The following STARD8 variants were observed in gnomAD, a reference collection of about 807,000 sequenced individuals.
STARD8 encodes the protein StAR related lipid transfer domain containing 8.
STARD8 carries 25 observed loss-of-function variants against 69.4 expected under a neutral mutation model. The observed-to-expected ratio is 0.36, with a 90% CI of 0.26 to 0.50. The LOEUF is 0.50. Ranked by LOEUF, STARD8 falls within the 20% of genes least tolerant of loss-of-function variation. The pLI is 0.96. For synonymous variants in STARD8, 389 were observed against 374.6 expected (o/e 1.04, Z -0.45); for missense variants, 921 against 932.5 (o/e 0.99, Z 0.16).
intron 2 of STARD8, among the ~76,000 whole-genome samples, chrX:68,680,434 G>A (rs1197308714): frequency 1.8e-5 from 2 of 112,356 alleles, no homozygotes; most frequent in East Asian, 5.7e-4. Context: ...GAATCCGAGG[G>A]GGACACACCA....
rs1042660194 is a variant in STARD8, at chrX:68,724,602, AAG to A, written c.*184_*185del. Reference sequence around the variant, plus strand: ...CTCCTCTGCACATAGAGGGGAGAAAAAGAGAATTTAGGCAACTCCACTCCCCC... The same window carrying A: ...CTCCTCTGCACATAGAGGGGAGAAAAAGAATTTAGGCAACTCCACTCCCCC... On this transcript the variant is annotated 3_prime_UTR_variant, in exon 15 of 15. Coordinates refer to ENST00000374599, the MANE Select transcript of STARD8 (RefSeq NM_001142503.3). 3.4e-5 allele frequency: 14 copies of A among 412,137 alleles called. No individual in the cohort carries two copies. The highest frequency in any genetic ancestry group is 2.8e-4 in the African/African-American group (11 of 39,902). 34.0% of individuals were successfully genotyped at this position (412,137 alleles called of 1,213,427 possible).
In STARD8 at chrX:68,668,260, TTCTTTCTTTCTTTC is replaced by T. The variant is rs1163517179; in HGVS notation, c.79+2744_79+2757del. On this transcript the variant is annotated intron_variant, in intron 2 of 14. Coordinates refer to ENST00000374599, the MANE Select transcript of STARD8 (RefSeq NM_001142503.3). ...CCTCTTTCTTTCTTTCTTTCTTTCT[TTCTTTCTTTCTTTC>T]TCTTTCTTTCTTTCTTTCTTTCTTT... 1.7e-4 allele frequency among the ~76,000 whole-genome samples: 15 copies of T among 87,108 alleles called. No homozygotes were observed. The Admixed American group carries it at 1.9e-3, about 11-fold the overall frequency. The allele number at this position is 87,108 out of a possible 115,157, so 75.6% of individuals were successfully genotyped here.
chrX:68,722,827 A>G (rs2080163661), intron 12 of STARD8, among the ~76,000 whole-genome samples, 181 bp downstream of exon 12: 1 of 112,265 alleles, frequency 8.9e-6, no homozygotes, highest in African/African-American at 3.2e-5. Flanking sequence ...TCAAGAACCA[A>G]ATGAGACCAA....
rs145486902 is a variant in STARD8, at chrX:68,720,272, C to T, written c.1898C>T (p.Pro633Leu). Residue 633 changes from proline (P) to leucine (L), a missense_variant, in exon 8 of 15, where the codon CCC (proline) becomes CTC (leucine). Coordinates refer to ENST00000374599, the MANE Select transcript of STARD8 (RefSeq NM_001142503.3). ...GTCATTCTCCCAAACAGGTCAATGC[C>T]CAAGTTCATGAGGAGGAACAAGACC... Reference protein sequence around the residue: ...PHKQGWVWSMPKFMRRNKTPD... With the variant: ...PHKQGWVWSMLKFMRRNKTPD... 1.0e-4 allele frequency: 120 copies of T among 1,197,816 alleles called. 2 individuals are homozygous for T. In the East Asian group the frequency reaches 2.2e-3, roughly 22 times the overall value.
rs200773438 is a variant in STARD8 at position 68,717,936 on chromosome X, G to A, written c.1022G>A (p.Arg341His). ...GGTAGGCGGTGGGGCTGTGAGGGGC[G>A]CCGGGGCTCCTGTGGCTCAACGGGC... ...QPGRRWGCEG[R>H]RGSCGSTGSH... The change falls in exon 6 of 15, where the codon CGC (arginine) becomes CAC (histidine). Residue 341 changes from arginine (R) to histidine (H), a missense_variant. Physicochemically the swap from Arg to His is conservative, Grantham distance 29. Transcript: ENST00000374599. 11 of 1,207,611 alleles carry A rather than the reference G, an allele frequency of 9.1e-6. No individual in the cohort carries two copies. The highest frequency in any genetic ancestry group is 5.9e-5 in the East Asian group (2 of 33,634).
chrX:68,654,799 C>A (rs1314235412), intron 1 of STARD8, among the ~76,000 whole-genome samples: 2 of 111,846 alleles, frequency 1.8e-5, no homozygotes, highest in Non-Finnish European at 3.8e-5. Context: ...TTGCCCATAC[C>A]CCAGCCCCTC....
chrX:68,708,968 TC>T (rs1166234096), intron 2 of STARD8, among the ~76,000 whole-genome samples: 1 of 109,972 alleles, frequency 9.1e-6, no homozygotes, highest in East Asian at 2.9e-4. Flanking sequence ...GGGGGTGGGG[TC>T]GCTCCTGGCC....
chrX:68,719,093 A>C (rs1024699262), intron 6 of STARD8, 132 bp from the exon 7 acceptor site: 290 of 820,789 alleles, frequency 3.5e-4, no homozygotes, highest in Non-Finnish European at 4.1e-4. Flanking sequence ...CAGCAGCAGC[A>C]CTAGAAAGTG....
intron 2 of STARD8, chrX:68,693,729 C>T: frequency 4.0e-6 from 3 of 755,104 alleles, no homozygotes; most frequent in Non-Finnish European, 4.7e-6. Flanking sequence ...CCCCAGGCCC[C>T]GCGTGTGTCC....
At chrX:68,649,355 G>C (rs1306834129) in intron 1 of STARD8, among the ~76,000 whole-genome samples, 2 of 110,287 alleles carry the variant, frequency 1.8e-5, no homozygotes, top group Non-Finnish European at 3.8e-5. Context: ...CAAATGTAGG[G>C]TTAGAGAGGA....
chrX:68,686,843 T>C (rs895884604), intron 2 of STARD8, among the ~76,000 whole-genome samples: 1 of 111,665 alleles, frequency 9.0e-6, no homozygotes, highest in Admixed American at 9.5e-5. Context: ...TCTATCCGGC[T>C]TCGTCCCCAC....
chrX:68,722,680 C>T, intron 12 of STARD8, 34 bp downstream of exon 12: 7 of 1,186,574 alleles, frequency 5.9e-6, no homozygotes, highest in Non-Finnish European at 5.7e-6. Flanking sequence ...TGCTATGGGG[C>T]TGGGAGAGCA....
chrX:68,719,610 T>G (rs1354595559), intron 7 of STARD8, among the ~76,000 whole-genome samples: 1 of 112,709 alleles, frequency 8.9e-6, no homozygotes, highest in East Asian at 2.8e-4. Flanking sequence ...TCCCAATCTC[T>G]GTGCTGCAAC....
At position 68,665,563 on chromosome X, in the gene STARD8, C is replaced by A. The variant is rs750788092; in HGVS notation, c.79+31C>A. The A allele has an allele frequency of 1.3e-5, 16 of 1,198,189 alleles. No homozygotes were observed. In the African/African-American group the frequency reaches 2.8e-4, roughly 21 times the overall value. ...TACACGAGGTGGGCATTGCAAGTGG[C>A]ATACAAAGAGACTGAGCTTCTCAGT... On this transcript the variant is annotated intron_variant, in intron 2 of 14. Coordinates refer to ENST00000374599, the MANE Select transcript of STARD8 (RefSeq NM_001142503.3).
chrX:68,703,622 G>A (rs916858692), intron 2 of STARD8, among the ~76,000 whole-genome samples: 1 of 112,131 alleles, frequency 8.9e-6, no homozygotes, highest in Non-Finnish European at 1.9e-5. Context: ...TCAGGGTGGG[G>A]CCAGGCTCCT....
rs754314187 is a variant in STARD8, at chrX:68,676,266, C to T, written c.79+10734C>T. On this transcript the variant is annotated intron_variant, in intron 2 of 14. Transcript: ENST00000374599. The stretch of plus-strand genomic sequence containing the variant: ...GTGTCTGTGTCTGGCCAAACTGGCC[C>T]GGCTCGCCTGAAAATCTCAGAGCAA... Among the ~76,000 whole-genome samples, 216 of 111,784 alleles carry T rather than the reference C, an allele frequency of 1.9e-3. 2 individuals are homozygous for T. The highest frequency in any genetic ancestry group is 6.3e-3 in the African/African-American group (194 of 30,699).
In STARD8 at chrX:68,721,722, C is replaced by T. The variant is rs1244907393; in HGVS notation, c.2435C>T (p.Ser812Phe). The change falls in exon 10 of 15, where the codon TCT (serine) becomes TTT (phenylalanine). Residue 812 changes from serine (S) to phenylalanine (F), a missense_variant. Transcript: ENST00000374599. ...LAPSIFHLNV[S>F]KKDSPSPRIK... Reference sequence around the variant, plus strand: ...CCCTCCATCTTCCACCTCAATGTCTCTAAGAAGGATAGCCCCTCTCCCAGG... The same window carrying T: ...CCCTCCATCTTCCACCTCAATGTCTTTAAGAAGGATAGCCCCTCTCCCAGG... The T allele has an allele frequency of 2.5e-6, 3 of 1,210,387 alleles. No individual in the cohort carries two copies. The highest frequency in any genetic ancestry group is 2.2e-6 in the Non-Finnish European group (2 of 895,080).
At chrX:68,687,779 G>C (rs914702565) in intron 2 of STARD8, among the ~76,000 whole-genome samples, 1 of 111,876 alleles carries the variant, frequency 8.9e-6, no homozygotes, top group African/African-American at 3.3e-5. Flanking sequence ...TTCCTTGGGG[G>C]CCTGTCCATA....
intron 2 of STARD8, among the ~76,000 whole-genome samples, chrX:68,710,881 C>T (rs368722350): frequency 5.6e-4 from 63 of 112,150 alleles, no homozygotes; most frequent in East Asian, 3.4e-3. Context: ...TGCCAGGATG[C>T]GTGCTAAGAT....
Sources: allele counts gnomAD v4.1 joint callset (sites outside exome capture counted in the v4.1 genomes callset), GRCh38; gene constraint gnomAD v4.1.1; transcripts MANE v1.5; gene names NCBI Gene and HGNC (gene_info 2026-07-23, HGNC 2026-07-21).